AGMO: variants seen among roughly 807,000 people sequenced by gnomAD.
AGMO encodes the protein alkylglycerol monooxygenase.
Under a neutral mutation model 60.2 loss-of-function variants are expected in AGMO, and 75 were observed. The ratio of observed to expected loss-of-function variants is 1.25; its 90% CI spans 1.03 to 1.51. The LOEUF (loss-of-function observed/expected upper bound fraction) is 1.51. Among genes scored for constraint, AGMO ranks in the 40% most tolerant of loss-of-function variants. The pLI, the probability that AGMO is intolerant of heterozygous loss-of-function variation, is 0.00. For synonymous variants in AGMO, 261 were observed against 177.1 expected, an observed-to-expected ratio of 1.47 and a Z score of -3.76; for missense variants, 763 against 525.5, an observed-to-expected ratio of 1.45 and a Z score of -4.42.
chr7:15,127,852 A>G, the AGMO span, among the ~76,000 whole-genome samples: 1 of 152,002 alleles, frequency 6.6e-6, no homozygotes, highest in Non-Finnish European at 1.5e-5. Context: ...ATGTAGTAAA[A>G]ATAGCTTTTT....
intron 12 of AGMO, among the ~76,000 whole-genome samples, chr7:15,348,882 C>T (rs757720094): frequency 2.0e-5 from 3 of 151,912 alleles, no homozygotes; most frequent in Non-Finnish European, 2.9e-5. Flanking sequence ...AAAATTGCAC[C>T]GTGATTTCTA....
At chr7:15,322,511 T>C (rs1361325014) in intron 12 of AGMO, among the ~76,000 whole-genome samples, 3 of 86,602 alleles carry the variant, frequency 3.5e-5, no homozygotes, top group African/African-American at 5.5e-5. Flanking sequence ...TATAAATATA[T>C]ATATAAATAT....
At chr7:15,468,041 C>G (rs898994451) in intron 3 of AGMO, among the ~76,000 whole-genome samples, 39 of 152,102 alleles carry the variant, frequency 2.6e-4, no homozygotes, top group African/African-American at 9.4e-4. Flanking sequence ...GATTTTCTAA[C>G]AAATCTGCTC....
At chr7:15,286,238 A>C (rs1405219354) in intron 12 of AGMO, among the ~76,000 whole-genome samples, 1 of 152,176 alleles carries the variant, frequency 6.6e-6, no homozygotes, top group Admixed American at 6.5e-5. Flanking sequence ...TAATTAAACG[A>C]AAAAGCTTCT....
At chr7:15,223,106 G>A (rs1371102509) in intron 12 of AGMO, among the ~76,000 whole-genome samples, 1 of 151,846 alleles carries the variant, frequency 6.6e-6, no homozygotes, top group Non-Finnish European at 1.5e-5. Context: ...TTTATGTGTA[G>A]ATAAATCATA....
At chr7:15,469,835 T>G (rs1011919535) in intron 3 of AGMO, among the ~76,000 whole-genome samples, 5 of 152,030 alleles carry the variant, frequency 3.3e-5, no homozygotes, top group Admixed American at 6.6e-5. Context: ...ATGCCACAGT[T>G]GGAAATATGA....
At chr7:15,342,172 T>TTAAAAA (rs1554418915) in intron 12 of AGMO, among the ~76,000 whole-genome samples, 3 of 54,310 alleles carry the variant, frequency 5.5e-5, no homozygotes, top group African/African-American at 2.8e-4. Context: ...CCCACAGAGT[T>TTAAAAA]AAAAAAAAAA....
intron 12 of AGMO, among the ~76,000 whole-genome samples, chr7:15,264,520 C>A (rs1235951098): frequency 1.3e-5 from 2 of 151,774 alleles, no homozygotes; most frequent in Non-Finnish European, 2.9e-5. Context: ...ATTATTATTT[C>A]TATTCTCATT....
At chr7:15,166,048 C>T in the AGMO span, among the ~76,000 whole-genome samples, 93 of 152,058 alleles carry the variant, frequency 6.1e-4, no homozygotes, top group Non-Finnish European at 2.8e-4. Context: ...ACGTTGCTAA[C>T]AAAACAGACA....
At chr7:15,416,712 A>G (rs1780783805) in intron 5 of AGMO, among the ~76,000 whole-genome samples, 1 of 152,172 alleles carries the variant, frequency 6.6e-6, no homozygotes, top group Admixed American at 6.5e-5. Context: ...CTGATATTAA[A>G]CAGTATGCAA....
downstream of AGMO, among the ~76,000 whole-genome samples, chr7:15,197,408 T>C (rs1463737918): frequency 6.6e-6 from 1 of 152,222 alleles, no homozygotes; most frequent in Non-Finnish European, 1.5e-5. Context: ...AACTATCATG[T>C]AAGCTGTTAA....
At chr7:15,218,779 T>TCA (rs1178020618) in intron 12 of AGMO, among the ~76,000 whole-genome samples, 1 of 152,040 alleles carries the variant, frequency 6.6e-6, no homozygotes, top group Admixed American at 6.6e-5. Context: ...AAAGACTAAC[T>TCA]CAGTTGAAGC....
chr7:15,426,618 G>A (rs537630135), intron 4 of AGMO, among the ~76,000 whole-genome samples: 31 of 152,138 alleles, frequency 2.0e-4, no homozygotes, highest in Admixed American at 9.2e-4. Context: ...GCGTGGTGGT[G>A]CCCACCTGTA....
chr7:15,171,829 G>A, the AGMO span, among the ~76,000 whole-genome samples: 1 of 152,134 alleles, frequency 6.6e-6, no homozygotes, highest in South Asian at 2.1e-4. Context: ...AAATTTGGGG[G>A]AAAGATTCAT....
chr7:15,543,100 C>A (rs1784676588), intron 3 of AGMO, among the ~76,000 whole-genome samples: 1 of 152,162 alleles, frequency 6.6e-6, no homozygotes, highest in Non-Finnish European at 1.5e-5. Context: ...TCTCTTCTGT[C>A]CATCTGCCAT....
chr7:15,354,493 CGTGTATATATATATATATATAT>C (rs1782435967), intron 12 of AGMO, among the ~76,000 whole-genome samples: 1 of 11,902 alleles, frequency 8.4e-5, no homozygotes, highest in Non-Finnish European at 1.6e-4. Context: ...TATATACACA[CGTGTATATATATATATATATAT>C]ATATATATAT....
At chr7:15,292,641 T>C (rs1784301581) in intron 12 of AGMO, among the ~76,000 whole-genome samples, 1 of 151,584 alleles carries the variant, frequency 6.6e-6, no homozygotes, top group Non-Finnish European at 1.5e-5. Flanking sequence ...GAAAAGCTCC[T>C]ACGGACAAAA....
chr7:15,418,819 G>A (rs1780852746), intron 4 of AGMO, among the ~76,000 whole-genome samples, 166 bp from the exon 5 acceptor site: 1 of 151,788 alleles, frequency 6.6e-6, no homozygotes. Context: ...TCCTCATGGT[G>A]ATACAGTTAC....
At chr7:15,160,352 G>C in the AGMO span, among the ~76,000 whole-genome samples, 1 of 152,066 alleles carries the variant, frequency 6.6e-6, no homozygotes, top group South Asian at 2.1e-4. Context: ...TAGTAACTTT[G>C]ATAGTAAATT....
Sources: allele counts gnomAD v4.1 joint callset (sites outside exome capture counted in the v4.1 genomes callset), GRCh38; gene constraint gnomAD v4.1.1; transcripts MANE v1.5; gene names NCBI Gene and HGNC (gene_info 2026-07-23, HGNC 2026-07-21).